Variants in ASTN2 observed in about 807,000 individuals in gnomAD.
ASTN2 encodes astrotactin-2.
ASTN2 carries 54 observed loss-of-function variants against 139.8 expected under a neutral mutation model. The observed-to-expected ratio is 0.39, with a 90% CI of 0.31 to 0.48. ASTN2 has a LOEUF of 0.48. ASTN2 is among the 20% of genes least tolerant of loss of function. The pLI, the probability that ASTN2 is intolerant of heterozygous loss-of-function variation, is 0.95. For missense variants in ASTN2, 1,565 were observed against 1,725.1 expected, an observed-to-expected ratio of 0.91 and a Z score of 1.64; for synonymous variants, 756 against 719.5, an observed-to-expected ratio of 1.05 and a Z score of -0.81.
At chr9:116,538,641 G>A (rs755159531) in intron 19 of ASTN2, among the ~76,000 whole-genome samples, 3 of 152,252 alleles carry the variant, frequency 2.0e-5, no homozygotes, top group Admixed American at 6.5e-5. Context: ...CTAAGGAAAA[G>A]TACTTAAAAT....
intron 1 of ASTN2, among the ~76,000 whole-genome samples, chr9:117,394,960 G>A (rs1830638604): frequency 6.6e-6 from 1 of 152,142 alleles, no homozygotes. Context: ...CCAAGAGACT[G>A]GGAGAGTGAT....
At chr9:116,473,452 T>C (rs547452942) in intron 20 of ASTN2, among the ~76,000 whole-genome samples, 5 of 152,208 alleles carry the variant, frequency 3.3e-5, no homozygotes, top group African/African-American at 9.6e-5. Flanking sequence ...CGTCAGATGA[T>C]GGGGGAAAAC....
At chr9:116,776,135 T>C (rs571090627) in intron 13 of ASTN2, among the ~76,000 whole-genome samples, 2 of 152,266 alleles carry the variant, frequency 1.3e-5, no homozygotes, top group African/African-American at 4.8e-5. Flanking sequence ...GATCCAAAGG[T>C]AGAGCTAGCT....
chr9:116,445,921 G>A (rs1847973658), intron 20 of ASTN2, among the ~76,000 whole-genome samples: 1 of 152,190 alleles, frequency 6.6e-6, no homozygotes, highest in Admixed American at 6.5e-5. Flanking sequence ...TGGAGAAAGA[G>A]GAAGACGTCA....
chr9:116,821,262 G>A (rs186009189), intron 11 of ASTN2, among the ~76,000 whole-genome samples: 13 of 152,246 alleles, frequency 8.5e-5, no homozygotes, highest in African/African-American at 3.1e-4. Context: ...TGTGTGACCC[G>A]AGAAGTTACT....
intron 3 of ASTN2, chr9:117,180,612 ACTGAT>A: frequency 8.1e-7 from 1 of 1,233,576 alleles, no homozygotes; most frequent in Non-Finnish European, 1.1e-6. Context: ...ATTCTAAACA[ACTGAT>A]CTGGAGTATC....
At chr9:116,959,601 G>A (rs1332477840) in intron 10 of ASTN2, among the ~76,000 whole-genome samples, 1 of 152,080 alleles carries the variant, frequency 6.6e-6, no homozygotes, top group African/African-American at 2.4e-5. Context: ...AATAGCTGCC[G>A]GGGGTCCACA....
In ASTN2 at chr9:116,698,236, G is replaced by T. The variant is rs761591526; in HGVS notation, c.2806+27535C>A. 1.2e-5 allele frequency: 19 copies of T among 1,614,006 alleles called. No individual in the cohort carries two copies. The African/African-American group carries it at 2.0e-4, about 17-fold the overall frequency. On this transcript the variant is annotated intron_variant, in intron 16 of 22. Coordinates refer to ENST00000313400, the MANE Select transcript of ASTN2 (RefSeq NM_001365068.1). The surrounding 1 kb of genome is among the most constrained non-coding windows in gnomAD (Gnocchi z 4.4). ...CGGGAACTTATGGGGGAGCTGCAGC[G>T]GCGGAAGGCAGCCTTGGAAGGTGTC...
chr9:117,144,950 T>C (rs1247848078), intron 3 of ASTN2, among the ~76,000 whole-genome samples: 1 of 152,000 alleles, frequency 6.6e-6, no homozygotes, highest in African/African-American at 2.4e-5. Context: ...CTCAAAGTGT[T>C]GGGATTACAG....
chr9:116,929,329 T>C (rs922400482), intron 10 of ASTN2, among the ~76,000 whole-genome samples: 29 of 152,206 alleles, frequency 1.9e-4, no homozygotes, highest in African/African-American at 6.8e-4. Flanking sequence ...GAAGCTGACA[T>C]GGCTGGAATC....
intron 10 of ASTN2, among the ~76,000 whole-genome samples, chr9:116,937,242 A>G (rs1031126230): frequency 2.0e-5 from 3 of 152,142 alleles, no homozygotes; most frequent in Non-Finnish European, 4.4e-5. Context: ...ATAATCTAAG[A>G]GGCTCTTCAT....
chr9:116,660,789 T>G (rs1858513648), intron 16 of ASTN2, among the ~76,000 whole-genome samples: 2 of 152,200 alleles, frequency 1.3e-5, no homozygotes, highest in South Asian at 2.1e-4. Flanking sequence ...CTACCTGATT[T>G]CAAATCTTAA....
chr9:117,117,339 T>C (rs1453456164), intron 4 of ASTN2, among the ~76,000 whole-genome samples: 1 of 140,434 alleles, frequency 7.1e-6, no homozygotes, highest in Non-Finnish European at 1.5e-5. Flanking sequence ...TTTAAACAGC[T>C]CTGGGAGATG....
In ASTN2 at chr9:116,725,970, G is replaced by A. The variant is rs1382393283; in HGVS notation, c.2627-20C>T. 1.2e-6 allele frequency: 2 copies of A among 1,601,006 alleles called. No homozygotes were observed. The highest frequency in any genetic ancestry group is 1.7e-5 in the Admixed American group (1 of 58,534). On this transcript the variant is annotated intron_variant, in intron 15 of 22. Coordinates refer to ENST00000313400, the MANE Select transcript of ASTN2 (RefSeq NM_001365068.1). ...TGAAGCCTGGACAAGAGAGGAGCAT[G>A]TGGAGGTGGTCAGATGTGAGAGGCT...
chr9:116,676,015 T>C (rs1859477855), intron 16 of ASTN2, among the ~76,000 whole-genome samples: 1 of 152,194 alleles, frequency 6.6e-6, no homozygotes, highest in Non-Finnish European at 1.5e-5. Context: ...AAGCAGCATA[T>C]TGGGCAGCAT....
chr9:116,872,675 GC>G (rs1397002233), intron 10 of ASTN2, among the ~76,000 whole-genome samples: 1 of 152,124 alleles, frequency 6.6e-6, no homozygotes, highest in Non-Finnish European at 1.5e-5. Context: ...CTCAGAGAAG[GC>G]TTTTTGGAGG....
At chr9:117,046,588 G>A (rs2132660770) in intron 5 of ASTN2, among the ~76,000 whole-genome samples, 1 of 152,128 alleles carries the variant, frequency 6.6e-6, no homozygotes. Flanking sequence ...ACCTACATGG[G>A]CATCAGCAGG....
intron 11 of ASTN2, 65 bp downstream of exon 11, chr9:116,863,517 AG>A: frequency 6.3e-7 from 1 of 1,575,080 alleles, no homozygotes; most frequent in African/African-American, 1.3e-5. Context: ...CTCGCAGGGC[AG>A]GGCTTCTAGC....
chr9:117,273,344 A>G (rs1834110143), intron 2 of ASTN2, among the ~76,000 whole-genome samples: 1 of 152,210 alleles, frequency 6.6e-6, no homozygotes, highest in Non-Finnish European at 1.5e-5. Context: ...TTGGGTAGGA[A>G]CACAGCCAAA....
Sources: gnomAD v4.1 joint callset for allele counts (sites outside exome capture counted in the v4.1 genomes callset) on GRCh38, gnomAD v4.1.1 for gene constraint, Gnocchi (gnomAD v3.1) non-coding constraint, MANE v1.5 for transcripts, NCBI Gene and HGNC (gene_info 2026-07-23, HGNC 2026-07-21) for gene names.